The following RBM19 variants were observed in gnomAD, a reference collection of about 807,000 sequenced individuals.
The protein encoded by RBM19 is probable RNA-binding protein 19.
In RBM19, 94 loss-of-function variants were observed where a neutral mutation model predicts 116.8. The ratio of observed to expected loss-of-function variants is 0.80; its 90% confidence interval spans 0.68 to 0.95. The LOEUF (loss-of-function observed/expected upper bound fraction) is 0.95, where lower values mean the gene tolerates loss of function less well. RBM19 is among the 40% of genes least tolerant of loss of function. The probability of loss-of-function intolerance (pLI) is 0.00; values close to 1 mark genes in which losing one functional copy is unlikely to be tolerated. For synonymous variants in RBM19, 475 were observed against 494.1 expected (o/e 0.96, Z 0.51); for missense variants, 1,161 against 1,220.7 (o/e 0.95, Z 0.73).
At chr12:113,957,686 C>T in intron 6 of RBM19, 96 bp downstream of exon 6, 4 of 1,464,262 alleles carry the variant, frequency 2.7e-6, no homozygotes. Flanking sequence ...TGCGTCTTTC[C>T]CCAACATTCC....
intron 8 of RBM19, 69 bp downstream of exon 8, chr12:113,952,443 T>C (rs1315728228): frequency 1.8e-5 from 25 of 1,417,304 alleles, no homozygotes; most frequent in Non-Finnish European, 2.3e-5. Context: ...TTCTTCCTTA[T>C]TCAAGTACCC....
intron 8 of RBM19, 64 bp downstream of exon 8, chr12:113,952,448 G>A: frequency 7.0e-7 from 1 of 1,436,224 alleles, no homozygotes; most frequent in East Asian, 2.3e-5. Flanking sequence ...CCTTATTCAA[G>A]TACCCCAACC....
chr12:113,966,053 C>T (rs538782461), intron 1 of RBM19, 139 bp downstream of exon 1: 225 of 926,742 alleles, frequency 2.4e-4, no homozygotes, highest in Non-Finnish European at 3.2e-4. Context: ...CCCAGGATCC[C>T]GCCCCCTTTG....
intron 18 of RBM19, among the ~76,000 whole-genome samples, chr12:113,921,133 C>T (rs547221764): frequency 1.3e-5 from 2 of 152,324 alleles, no homozygotes; most frequent in East Asian, 1.9e-4. Flanking sequence ...CAGCCAATCA[C>T]ATTCAGTTTC....
chr12:113,921,903 T>C (rs1189689848), intron 18 of RBM19, among the ~76,000 whole-genome samples: 1 of 152,224 alleles, frequency 6.6e-6, no homozygotes, highest in Non-Finnish European at 1.5e-5. Flanking sequence ...CTGACCTCTA[T>C]AGACAGCTCT....
At position 113,935,125 on chromosome 12, in the gene RBM19, A is replaced by G. The variant is rs553234383; in HGVS notation, c.2068+1882T>C. ...AAAAAGAAGACAGCAGAGAGGGATA[A>G]TCCCCAGGACACAAGGAAATGAAGA... On this transcript the variant is annotated intron_variant, in intron 16 of 23. Transcript: ENST00000261741. Among the ~76,000 whole-genome samples the G allele has an allele frequency of 9.8e-5, 15 of 152,326 alleles. No homozygotes were observed. The South Asian group carries it at 1.9e-3, about 19-fold the overall frequency.
rs1881512607 is a variant in RBM19, at chr12:113,898,976, G to A, written c.2558+15993C>T. Among the ~76,000 whole-genome samples the A allele has an allele frequency of 6.6e-6, 1 of 152,130 alleles. No individual in the cohort carries two copies. Among genetic ancestry groups the A allele is most frequent in the Admixed American group, 6.6e-5 (1 of 15,258 alleles). On this transcript the variant is annotated intron_variant, in intron 21 of 23. Transcript: ENST00000261741. The surrounding 1 kb of genome is among the most constrained non-coding windows in gnomAD (Gnocchi z 4.3). ...AGCATGAGTTGTCAGTTTATTCTGA[G>A]TTTTATATTTGTACATAGTTAAATA...
rs150672276 is a variant in RBM19, at chr12:113,849,909, G to A, written c.2665-5121C>T. Among the ~76,000 whole-genome samples, 73 of 152,308 alleles carry A rather than the reference G, an allele frequency of 4.8e-4. 2 individuals carry two copies. In the East Asian group the frequency reaches 0.012, roughly 24 times the overall value. On this transcript the variant is annotated intron_variant, in intron 22 of 23. Coordinates refer to ENST00000261741, the MANE Select transcript of RBM19 (RefSeq NM_016196.4). Reference sequence around the variant, plus strand: ...GGCCTCTGGTTTCTACTGAGGTGAAGCAAATGGGTGGCACTTCTGGGAGAC... The same window carrying A: ...GGCCTCTGGTTTCTACTGAGGTGAAACAAATGGGTGGCACTTCTGGGAGAC...
chr12:113,849,694 T>C (rs1409641039), intron 22 of RBM19, among the ~76,000 whole-genome samples: 1 of 152,160 alleles, frequency 6.6e-6, no homozygotes, highest in Non-Finnish European at 1.5e-5. Flanking sequence ...TGGAGAGGCC[T>C]GAAGATCCAG....
intron 21 of RBM19, among the ~76,000 whole-genome samples, chr12:113,863,525 T>C (rs1878574893): frequency 6.6e-6 from 1 of 152,172 alleles, no homozygotes; most frequent in Non-Finnish European, 1.5e-5. Context: ...CCCCACAGCC[T>C]GCATGCTGGC....
At chr12:113,860,631 G>A (rs1326952711) in intron 21 of RBM19, among the ~76,000 whole-genome samples, 1 of 152,172 alleles carries the variant, frequency 6.6e-6, no homozygotes, top group East Asian at 1.9e-4. Flanking sequence ...TGGGTGAGCT[G>A]GTTCCTCTGT....
At chr12:113,878,971 G>A (rs1177420506) in intron 21 of RBM19, among the ~76,000 whole-genome samples, 2 of 152,094 alleles carry the variant, frequency 1.3e-5, no homozygotes, top group South Asian at 2.1e-4. Context: ...TGACAGCAGG[G>A]GCTGCCTGTA....
intron 21 of RBM19, among the ~76,000 whole-genome samples, chr12:113,910,275 A>T (rs1204712489): frequency 1.3e-5 from 2 of 152,068 alleles, no homozygotes; most frequent in South Asian, 4.2e-4. Context: ...AGGCAGACAC[A>T]CTCTTCATTC....
At chr12:113,939,596 A>C (rs1046102474) in intron 15 of RBM19, among the ~76,000 whole-genome samples, 3 of 151,860 alleles carry the variant, frequency 2.0e-5, no homozygotes, top group African/African-American at 7.3e-5. Context: ...AAAAATATAA[A>C]AAAATTAGCC....
intron 2 of RBM19, among the ~76,000 whole-genome samples, 189 bp from the exon 3 acceptor site, chr12:113,960,367 C>T (rs891323848): frequency 1.2e-4 from 19 of 152,228 alleles, no homozygotes; most frequent in African/African-American, 4.6e-4. Flanking sequence ...AATACTCTAA[C>T]AGTCTATCAT....
intron 23 of RBM19, among the ~76,000 whole-genome samples, chr12:113,828,360 C>CT (rs1279518447): frequency 6.6e-6 from 1 of 152,160 alleles, no homozygotes; most frequent in Non-Finnish European, 1.5e-5. Context: ...CTAGCTGCCC[C>CT]TGGAGACACG....
chr12:113,958,015 T>C lies in RBM19; in HGVS notation c.607A>G (p.Lys203Glu), dbSNP rs1189832359. Residue 203 changes from lysine (K) to glutamate (E), a missense_variant, in exon 6 of 24, where the codon AAG (lysine) becomes GAG (glutamate). Coordinates refer to ENST00000261741, the MANE Select transcript of RBM19 (RefSeq NM_016196.4). ...ASLEPKAAVQ[K>E]ELSDMDYLKS... ...AGGTAATCCATGTCCGACAGCTCCT[T>C]CTGCACAGCTGCCTTTGGTTCGAGG... The C allele has an allele frequency of 6.2e-7, 1 of 1,613,608 alleles. No homozygotes were observed. Among genetic ancestry groups the C allele is most frequent in the Non-Finnish European group, 8.5e-7 (1 of 1,179,818 alleles).
chr12:113,820,421 C>T (rs944549698), downstream of RBM19, among the ~76,000 whole-genome samples: 24 of 152,134 alleles, frequency 1.6e-4, no homozygotes, highest in Middle Eastern at 3.4e-3. Context: ...AGAGGCAGCT[C>T]GAGGGCCCTG....
intron 22 of RBM19, among the ~76,000 whole-genome samples, chr12:113,845,318 GCGCTCCCAACTCC>G (rs1179470477): frequency 6.6e-6 from 1 of 151,524 alleles, no homozygotes; most frequent in Non-Finnish European, 1.5e-5. Flanking sequence ...CCCCAGCCCT[GCGCTCCCAACTCC>G]CGCTCCCAGC....
Sources: allele counts gnomAD v4.1 joint callset (sites outside exome capture counted in the v4.1 genomes callset), GRCh38; gene constraint gnomAD v4.1.1; non-coding constraint Gnocchi (gnomAD v3.1); transcripts MANE v1.5; gene names NCBI Gene and HGNC (gene_info 2026-07-23, HGNC 2026-07-21).